PCDHA12: variants seen among roughly 807,000 people sequenced by gnomAD.
PCDHA12 encodes protocadherin alpha 12.
In PCDHA12, 44 loss-of-function variants were observed where a neutral mutation model predicts 60.0. The observed-to-expected ratio is 0.73, with a 90% CI of 0.58 to 0.94. PCDHA12 has a LOEUF of 0.94. Ranked by LOEUF, PCDHA12 falls within the 40% of genes least tolerant of loss-of-function variation. The pLI, the probability that PCDHA12 is intolerant of heterozygous loss-of-function variation, is 0.00. For synonymous variants in PCDHA12, 569 were observed against 553.0 expected, an observed-to-expected ratio of 1.03 and a Z score of -0.40; for missense variants, 1,276 against 1,239.7, an observed-to-expected ratio of 1.03 and a Z score of -0.44.
chr5:140,967,528 T>C, intron 1 of PCDHA12: 3 of 1,613,146 alleles, frequency 1.9e-6, no homozygotes, highest in Non-Finnish European at 2.5e-6. Context: ...ACGACAACTC[T>C]CCTGCCTTTG....
chr5:140,898,670 C>T (rs574817267), intron 1 of PCDHA12, among the ~76,000 whole-genome samples: 20 of 152,200 alleles, frequency 1.3e-4, no homozygotes, highest in South Asian at 6.2e-4. Context: ...CTTGGTGTTG[C>T]GGGCTGTTTT....
At position 140,900,792 on chromosome 5, in the gene PCDHA12, C is replaced by T. The variant is rs373914544; in HGVS notation, c.2367+22953C>T. On this transcript the variant is annotated intron_variant, in intron 1 of 3. Transcript: ENST00000398631. ...CTTTTTGAGGAAACTCCAAACTGTT[C>T]TCCATAGTGCTTGTACTAATTTACA... 1.1e-4 allele frequency among the ~76,000 whole-genome samples: 16 copies of T among 152,298 alleles called. No individual in the cohort carries two copies. The South Asian group carries it at 1.5e-3, about 14-fold the overall frequency.
Position 140,877,583 on chromosome 5 carries a change from T to C in PCDHA12, c.2111T>C (p.Ile704Thr). Residue 704 changes from isoleucine (I) to threonine (T), a missense_variant, in exon 1 of 4, where the codon ATC becomes ACC. Transcript: ENST00000398631. ...ATTAACGTGTACCTCATCATCGCCA[T>C]CTGTGCGGTGTCCAGCCTGCTGGTG... ...VDINVYLIIAICAVSSLLVLT... is the reference protein window; with the variant it reads ...VDINVYLIIATCAVSSLLVLT... 6.2e-7 allele frequency: 1 copy of C among 1,613,816 alleles called. No homozygotes were observed. Among genetic ancestry groups the C allele is most frequent in the Admixed American group, 1.7e-5 (1 of 60,032 alleles).
Position 141,011,490 on chromosome 5 carries a change from A to T in PCDHA12, c.*1553A>T, listed in dbSNP as rs2098420792. On this transcript the variant is annotated 3_prime_UTR_variant, in exon 4 of 4. Transcript: ENST00000398631. ...GTAATTCCATTATATTTCCTTTTGT[A>T]CACCTGTGAAAAAGTGGAGTAGTGT... The T allele has an allele frequency of 1.3e-5, 2 of 153,734 alleles. No homozygotes were observed. The highest frequency in any genetic ancestry group is 2.9e-5 in the Non-Finnish European group (2 of 68,036). 9.5% of individuals were successfully genotyped at this position (153,734 alleles called of 1,614,324 possible). A position where few individuals can be genotyped will look rare whatever the true frequency, so the allele number is the denominator to read the frequency against.
chr5:140,896,228 G>C (rs567886194), intron 1 of PCDHA12, among the ~76,000 whole-genome samples: 1 of 152,298 alleles, frequency 6.6e-6, no homozygotes, highest in South Asian at 2.1e-4. Context: ...CTTTATAGTA[G>C]AATGACTTAT....
rs1554168208 is a variant in PCDHA12, at chr5:140,876,031, G to T, written c.559G>T (p.Asp187Tyr). 1 of 1,613,702 alleles carries T rather than the reference G, an allele frequency of 6.2e-7. No homozygotes were observed. ...TGAGCTTAAAATAAAAACAAAAAAA[G>T]ATAAAAGTATATTGCCTGAATTAGT... ...NFELKIKTKKDKSILPELVLR... is the reference protein window; with the variant it reads ...NFELKIKTKKYKSILPELVLR... The change falls in exon 1 of 4, where the codon GAT (aspartate) becomes TAT (tyrosine). Residue 187 changes from aspartate (D) to tyrosine (Y), a missense_variant. Transcript: ENST00000398631.
intron 1 of PCDHA12, among the ~76,000 whole-genome samples, chr5:140,906,351 C>A (rs966982758): frequency 3.9e-5 from 6 of 152,128 alleles, no homozygotes; most frequent in Non-Finnish European, 5.9e-5. Context: ...CAAGAATGCA[C>A]CAATTCCCAA....
chr5:140,883,782 C>T (rs1434451644), intron 1 of PCDHA12: 1 of 1,612,468 alleles, frequency 6.2e-7, no homozygotes, highest in African/African-American at 1.3e-5. Flanking sequence ...CGTGCGCTGT[C>T]GAGCTACGTG....
In PCDHA12 at chr5:140,876,098, A is replaced by G; in HGVS notation, c.626A>G (p.Asn209Ser). 2 of 1,613,962 alleles carry G rather than the reference A, an allele frequency of 1.2e-6. No homozygotes were observed. Among genetic ancestry groups the G allele is most frequent in the Non-Finnish European group, 1.7e-6 (2 of 1,179,902 alleles). Residue 209 changes from asparagine to serine, a missense_variant, in exon 1 of 4, where the codon AAT (asparagine) becomes AGT (serine). Asn to Ser is a conservative substitution (Grantham distance 46). Transcript: ENST00000398631. The part of the protein sequence containing the change: ...LLDREQTPKL[N>S]LLLMVIDGGK... ...GACAGAGAGCAAACGCCAAAACTCAATTTATTGCTGATGGTAATCGATGGC... is the reference window on the plus strand; with the variant it reads ...GACAGAGAGCAAACGCCAAAACTCAGTTTATTGCTGATGGTAATCGATGGC...
intron 1 of PCDHA12, among the ~76,000 whole-genome samples, chr5:140,954,934 T>A (rs1417357535): frequency 2.6e-5 from 4 of 152,208 alleles, no homozygotes; most frequent in African/African-American, 9.6e-5. Flanking sequence ...TTAATTAATC[T>A]TGAGTTAATT....
At chr5:140,889,479 T>C (rs1399086830) in intron 1 of PCDHA12, among the ~76,000 whole-genome samples, 1 of 152,184 alleles carries the variant, frequency 6.6e-6, no homozygotes, top group Admixed American at 6.5e-5. Context: ...GCTCATACTT[T>C]CTACAGAATC....
At chr5:140,926,438 G>A (rs2083248814) in intron 1 of PCDHA12, 1 of 154,646 alleles carries the variant, frequency 6.5e-6, no homozygotes, top group African/African-American at 2.4e-5. Flanking sequence ...TTAAGATCTG[G>A]GCAGCCTCAG....
At chr5:140,964,222 A>G (rs2095818106) in intron 1 of PCDHA12, among the ~76,000 whole-genome samples, 1 of 152,254 alleles carries the variant, frequency 6.6e-6, no homozygotes, top group African/African-American at 2.4e-5. Flanking sequence ...AATGTCTTTC[A>G]AAATGAGGCT....
At chr5:140,890,507 C>G (rs2153430728) in intron 1 of PCDHA12, among the ~76,000 whole-genome samples, 1 of 152,146 alleles carries the variant, frequency 6.6e-6, no homozygotes, top group African/African-American at 2.4e-5. Context: ...TTTTATGTCT[C>G]TATTTCCTTC....
chr5:140,966,516 G>A (rs967570115), intron 1 of PCDHA12: 27 of 436,614 alleles, frequency 6.2e-5, no homozygotes, highest in Admixed American at 4.4e-4. Flanking sequence ...GCAGCAGCAG[G>A]AAGCCGAGCC....
intron 1 of PCDHA12, among the ~76,000 whole-genome samples, chr5:140,971,278 ATATTAATATG>A (rs1408088373): frequency 6.6e-6 from 1 of 152,208 alleles, no homozygotes; most frequent in African/African-American, 2.4e-5. Context: ...ACTGACCTGT[ATATTAATATG>A]TACTTTGGTA....
intron 1 of PCDHA12, chr5:140,969,456 A>G (rs963968770): frequency 4.0e-6 from 6 of 1,508,992 alleles, no homozygotes; most frequent in Admixed American, 2.2e-5. Flanking sequence ...CTGAGTATAT[A>G]TAGTATCCAC....
chr5:140,946,766 G>A (rs1554217856), intron 1 of PCDHA12, among the ~76,000 whole-genome samples: 1 of 151,394 alleles, frequency 6.6e-6, no homozygotes, highest in South Asian at 2.1e-4. Flanking sequence ...TCTCATTCAT[G>A]TGGAATGTAA....
rs782609531 is a variant in PCDHA12, at chr5:140,877,760, G to C, written c.2288G>C (p.Ser763Thr). 1 of 1,614,194 alleles carries C rather than the reference G, an allele frequency of 6.2e-7. No individual in the cohort carries two copies. The highest frequency in any genetic ancestry group is 1.1e-5 in the South Asian group (1 of 91,082). Residue 763 changes from serine to threonine, a missense_variant, in exon 1 of 4, where the codon AGC (serine) becomes ACC (threonine). Transcript: ENST00000398631. Reference sequence around the variant, plus strand: ...AGGCAGAGGGTGTGCTCTGCAGAGAGCCCGCCCAAGACGGACCTCATGGCC... The same window carrying C: ...AGGCAGAGGGTGTGCTCTGCAGAGACCCCGCCCAAGACGGACCTCATGGCC... ...QRRQRVCSAE[S>T]PPKTDLMAFS...
Sources: allele counts gnomAD v4.1 joint callset (sites outside exome capture counted in the v4.1 genomes callset), GRCh38; gene constraint gnomAD v4.1.1; transcripts MANE v1.5; gene names NCBI Gene and HGNC (gene_info 2026-07-23, HGNC 2026-07-21).